The following ANKS3 variants were observed in gnomAD, a reference collection of about 807,000 sequenced individuals.
ANKS3 encodes the protein ankyrin repeat and sterile alpha motif domain containing 3, also known as ankyrin repeat and SAM domain-containing protein 3.
In ANKS3, 62 loss-of-function variants were observed where a neutral mutation model predicts 80.7. The observed-to-expected ratio is 0.77, with a 90% CI of 0.63 to 0.95. The LOEUF (loss-of-function observed/expected upper bound fraction) is 0.95. Among genes scored for constraint, ANKS3 ranks in the 40% least tolerant of loss-of-function variants. ANKS3 has a pLI of 0.00. For missense variants in ANKS3, 1,150 were observed against 883.6 expected (o/e 1.30, Z -3.82); for synonymous variants, 489 against 355.3 (o/e 1.38, Z -4.23).
chr16:4,722,090 G>A (rs529645896), intron 6 of ANKS3, among the ~76,000 whole-genome samples: 55 of 151,508 alleles, frequency 3.6e-4, no homozygotes, highest in African/African-American at 1.3e-3. Flanking sequence ...ACGCAGGCAG[G>A]GTGGGGGACA....
chr16:4,710,193 G>C (rs1010264108), intron 7 of ANKS3, among the ~76,000 whole-genome samples: 1 of 152,160 alleles, frequency 6.6e-6, no homozygotes, highest in Non-Finnish European at 1.5e-5. Context: ...AGAAGTTCTG[G>C]TGTTCACAGT....
intron 11 of ANKS3, chr16:4,699,450 A>AG: frequency 8.2e-6 from 4 of 486,534 alleles, no homozygotes; most frequent in African/African-American, 1.9e-5. Flanking sequence ...AGTTCTGTGA[A>AG]GGGACCATGG....
At chr16:4,722,470 G>C (rs1288478421) in intron 6 of ANKS3, among the ~76,000 whole-genome samples, 4 of 151,786 alleles carry the variant, frequency 2.6e-5, no homozygotes, top group African/African-American at 9.7e-5. Flanking sequence ...CAGCTACTCG[G>C]GAGGCTGAGG....
chr16:4,708,263 G>A (rs976538001), intron 7 of ANKS3, among the ~76,000 whole-genome samples: 10 of 151,972 alleles, frequency 6.6e-5, no homozygotes, highest in Admixed American at 2.0e-4. Flanking sequence ...AGATCAAAAA[G>A]GCCCTTCCAT....
chr16:4,698,737 G>A, intron 13 of ANKS3, 63 bp downstream of exon 13: 1 of 1,553,272 alleles, frequency 6.4e-7, no homozygotes, highest in Non-Finnish European at 8.7e-7. Context: ...CACCTTTTCT[G>A]TCAGAGATGG....
Position 4,730,049 on chromosome 16 carries a change from T to C in ANKS3, c.101A>G (p.Asp34Gly), listed in dbSNP as rs2081540603. The C allele has an allele frequency of 6.3e-7, 1 of 1,589,284 alleles. No individual in the cohort carries two copies. Among genetic ancestry groups the C allele is most frequent in the African/African-American group, 1.4e-5 (1 of 73,854 alleles). ...LGTQVSGEELDVPLDLHTAAS... is the reference protein window; with the variant it reads ...LGTQVSGEELGVPLDLHTAAS... The stretch of plus-strand genomic sequence containing the variant: ...AGCTGTGTGAAGATCCAGGGGGACA[T>C]CCAGCTCCTCCCCGCTGACCTGTGT... Residue 34 changes from aspartate (D) to glycine (G), a missense_variant, in exon 3 of 18, where the codon GAT becomes GGT. Physicochemically the swap from Asp to Gly is moderately conservative, Grantham distance 94 (BLOSUM62 -1). Coordinates refer to ENST00000304283, the MANE Select transcript of ANKS3 (RefSeq NM_133450.4).
chr16:4,732,754 A>G (rs1596472019), intron 1 of ANKS3, among the ~76,000 whole-genome samples: 1 of 151,872 alleles, frequency 6.6e-6, no homozygotes, highest in East Asian at 1.9e-4. Context: ...GTAAAGTAGC[A>G]TTAGAGATAA....
At chr16:4,714,372 T>G in intron 6 of ANKS3, 186 bp from the exon 7 acceptor site, 2 of 829,328 alleles carry the variant, frequency 2.4e-6, no homozygotes, top group Non-Finnish European at 3.7e-6. Context: ...TTGCTCTCAC[T>G]CTCTTCTTAG....
chr16:4,726,508 C>T (rs1235489235), intron 5 of ANKS3, 151 bp downstream of exon 5: 3 of 748,714 alleles, frequency 4.0e-6, no homozygotes, highest in Non-Finnish European at 6.4e-6. Context: ...AGGCCTGTGC[C>T]TGGAAGGACT....
intron 5 of ANKS3, among the ~76,000 whole-genome samples, chr16:4,725,448 A>G (rs1596448773): frequency 6.6e-6 from 1 of 152,230 alleles, no homozygotes; most frequent in African/African-American, 2.4e-5. Context: ...CTCAAGTCAG[A>G]AAACATCTTT....
chr16:4,725,017 T>C, intron 5 of ANKS3, 186 bp from the exon 6 acceptor site: 1 of 503,996 alleles, frequency 2.0e-6, no homozygotes, highest in Non-Finnish European at 3.5e-6. Flanking sequence ...CCATTTACTC[T>C]TCTGGTGTCT....
chr16:4,711,679 C>G (rs1180781504), intron 7 of ANKS3, among the ~76,000 whole-genome samples: 1 of 146,672 alleles, frequency 6.8e-6, no homozygotes, highest in East Asian at 2.0e-4. Flanking sequence ...GATCGAGCCA[C>G]TGCACTCCAG....
intron 6 of ANKS3, among the ~76,000 whole-genome samples, chr16:4,719,354 C>A (rs534317600): frequency 2.0e-5 from 3 of 152,232 alleles, no homozygotes; most frequent in Admixed American, 6.5e-5. Flanking sequence ...AACATACAAT[C>A]AAAAATTATA....
chr16:4,733,407 T>C (rs911030993), intron 1 of ANKS3, among the ~76,000 whole-genome samples: 2 of 152,018 alleles, frequency 1.3e-5, no homozygotes, highest in Non-Finnish European at 2.9e-5. Flanking sequence ...TTCTCCTGCC[T>C]CAGCTTCCCG....
At chr16:4,698,388 C>A in intron 14 of ANKS3, 39 bp downstream of exon 14, 1 of 1,446,862 alleles carries the variant, frequency 6.9e-7, no homozygotes, top group Non-Finnish European at 9.1e-7. Context: ...GGTGGCTGAC[C>A]ACTGGAGACC....
At position 4,696,969 on chromosome 16, in the gene ANKS3, A is replaced by C. The variant is rs540195771; in HGVS notation, c.*11+48T>G. The C allele has an allele frequency of 9.3e-5, 146 of 1,575,202 alleles. No individual in the cohort carries two copies. In the South Asian group the frequency reaches 1.5e-3, roughly 16 times the overall value. ...TACCCACACCTGCAGCCGCCCAGAC[A>C]GGCCCTGCTGCTCCCACCACGCGGG... On this transcript the variant is annotated intron_variant, in intron 17 of 17. Coordinates refer to ENST00000304283, the MANE Select transcript of ANKS3 (RefSeq NM_133450.4).
At chr16:4,733,902 C>CG in intron 1 of ANKS3, 36 bp downstream of exon 1, 1 of 985,274 alleles carries the variant, frequency 1.0e-6, no homozygotes, top group Non-Finnish European at 1.2e-6. Flanking sequence ...TCACTGGCCC[C>CG]GGGGCGGGTC....
chr16:4,698,711 C>T lies in ANKS3; in HGVS notation c.1551+89G>A, dbSNP rs550754028. 2.4e-4 allele frequency: 371 copies of T among 1,540,730 alleles called. 1 individual carries two copies. The African/African-American group carries it at 4.1e-3, about 17-fold the overall frequency. On this transcript the variant is annotated intron_variant, in intron 13 of 17. Coordinates refer to ENST00000304283, the MANE Select transcript of ANKS3 (RefSeq NM_133450.4). The stretch of plus-strand genomic sequence containing the variant: ...CCTCTCCCCACTGCATCCACCTGAC[C>T]CCTCCACACAGCACCCACCTTTTCT...
chr16:4,733,312 G>C (rs959463750), intron 1 of ANKS3, among the ~76,000 whole-genome samples: 1 of 149,884 alleles, frequency 6.7e-6, no homozygotes, highest in Non-Finnish European at 1.5e-5. Context: ...TTTTTTTTGA[G>C]ACATAATCTC....
Sources: gnomAD v4.1 joint callset for allele counts (sites outside exome capture counted in the v4.1 genomes callset) on GRCh38, gnomAD v4.1.1 for gene constraint, MANE v1.5 for transcripts, NCBI Gene and HGNC (gene_info 2026-07-23, HGNC 2026-07-21) for gene names.